Variants in PDSS2 observed in about 807,000 individuals in gnomAD.
The protein encoded by PDSS2 is decaprenyl diphosphate synthase subunit 2, also known as all trans-polyprenyl-diphosphate synthase PDSS2.
A neutral mutation model predicts 44.5 loss-of-function variants in PDSS2; 31 were observed. The observed-to-expected ratio is 0.70, with a 90% CI of 0.52 to 0.94. PDSS2 has a LOEUF of 0.94. PDSS2 is among the 40% of genes least tolerant of loss of function. PDSS2 has a pLI of 0.00. For synonymous variants in PDSS2, 157 were observed against 180.3 expected (o/e 0.87, Z 1.03); for missense variants, 452 against 482.2 (o/e 0.94, Z 0.59).
At chr6:107,180,591 T>C (rs1396458678) in intron 7 of PDSS2, among the ~76,000 whole-genome samples, 3 of 152,176 alleles carry the variant, frequency 2.0e-5, no homozygotes, top group Non-Finnish European at 4.4e-5. Flanking sequence ...CCAGGTGCTG[T>C]AGTAGGCTTT....
At chr6:107,184,677 T>C (rs1382272441) in intron 7 of PDSS2, among the ~76,000 whole-genome samples, 1 of 152,164 alleles carries the variant, frequency 6.6e-6, no homozygotes, top group African/African-American at 2.4e-5. Flanking sequence ...TAAATGCTGA[T>C]GTCTGAGAGG....
chr6:107,362,682 T>A (rs1778817423), intron 1 of PDSS2, among the ~76,000 whole-genome samples: 1 of 152,180 alleles, frequency 6.6e-6, no homozygotes, highest in Non-Finnish European at 1.5e-5. Flanking sequence ...ACAAAAGCAG[T>A]CATTAGAAAC....
chr6:107,173,572 C>CAAAAAAAAAAA (rs71012783), intron 7 of PDSS2, among the ~76,000 whole-genome samples: 2 of 41,512 alleles, frequency 4.8e-5, no homozygotes, highest in African/African-American at 1.3e-4. Context: ...GACTCTGTCT[C>CAAAAAAAAAAA]AAAAAAAAAA....
At chr6:107,214,601 T>C (rs1323082766) in intron 4 of PDSS2, among the ~76,000 whole-genome samples, 1 of 152,174 alleles carries the variant, frequency 6.6e-6, no homozygotes, top group East Asian at 1.9e-4. Flanking sequence ...ATTAACTCAA[T>C]ACACTTTTCT....
chr6:107,222,978 T>A (rs1387524454), intron 4 of PDSS2, among the ~76,000 whole-genome samples: 1 of 149,432 alleles, frequency 6.7e-6, no homozygotes, highest in African/African-American at 2.5e-5. Flanking sequence ...AGATGGAGTA[T>A]CACCCTGTCA....
intron 3 of PDSS2, among the ~76,000 whole-genome samples, chr6:107,254,928 A>G (rs1180449616): frequency 1.4e-4 from 21 of 150,356 alleles, no homozygotes. Flanking sequence ...TAGTGGTGTG[A>G]TCTCGGCTCA....
intron 1 of PDSS2, among the ~76,000 whole-genome samples, chr6:107,382,726 G>A (rs1401755352): frequency 6.6e-6 from 1 of 151,954 alleles, no homozygotes; most frequent in Admixed American, 6.6e-5. Flanking sequence ...AGTCCCTACT[G>A]CTTGGGAGGC....
At chr6:107,304,753 GA>G (rs1200070131) in intron 2 of PDSS2, among the ~76,000 whole-genome samples, 1 of 152,130 alleles carries the variant, frequency 6.6e-6, no homozygotes, top group African/African-American at 2.4e-5. Context: ...TAAATCTTTA[GA>G]GAAAAGTTGA....
chr6:107,414,264 C>G (rs77550342), intron 1 of PDSS2, among the ~76,000 whole-genome samples: 2 of 152,200 alleles, frequency 1.3e-5, no homozygotes, highest in African/African-American at 2.4e-5. Context: ...CAGAGTATAA[C>G]TGTACAGTAA....
intron 2 of PDSS2, among the ~76,000 whole-genome samples, chr6:107,312,983 C>T (rs562479247): frequency 1.3e-5 from 2 of 152,254 alleles, no homozygotes; most frequent in East Asian, 3.9e-4. Context: ...TATGGGTAGG[C>T]GAGTAGCAGA....
chr6:107,197,553 C>A (rs1772610749), intron 6 of PDSS2, among the ~76,000 whole-genome samples: 1 of 150,384 alleles, frequency 6.6e-6, no homozygotes, highest in Admixed American at 6.6e-5. Context: ...TGTCAGCTTG[C>A]TGAAGTGATT....
intron 1 of PDSS2, among the ~76,000 whole-genome samples, chr6:107,374,255 A>C (rs917861100): frequency 6.7e-6 from 1 of 148,680 alleles, no homozygotes; most frequent in Non-Finnish European, 1.5e-5. Flanking sequence ...CTCCATCACA[A>C]AAAAAAAAAA....
At chr6:107,363,568 G>A (rs1361292193) in intron 1 of PDSS2, among the ~76,000 whole-genome samples, 1 of 152,180 alleles carries the variant, frequency 6.6e-6, no homozygotes, top group African/African-American at 2.4e-5. Context: ...GAGTGTTACA[G>A]CTCATAAAAG....
At chr6:107,380,213 C>G (rs1431335138) in intron 1 of PDSS2, among the ~76,000 whole-genome samples, 6 of 152,164 alleles carry the variant, frequency 3.9e-5, no homozygotes, top group Non-Finnish European at 2.9e-5. Flanking sequence ...CTGTGTCTTA[C>G]AGCTCTCTCA....
chr6:107,210,793 C>A (rs1168801338), intron 5 of PDSS2, among the ~76,000 whole-genome samples: 2 of 151,944 alleles, frequency 1.3e-5, no homozygotes, highest in Admixed American at 6.6e-5. Flanking sequence ...CACCTGAGGT[C>A]AGGAGTTTGA....
intron 3 of PDSS2, among the ~76,000 whole-genome samples, chr6:107,250,836 A>G (rs78931710): frequency 6.6e-6 from 1 of 152,106 alleles, no homozygotes; most frequent in Non-Finnish European, 1.5e-5. Flanking sequence ...AGGAGTGCCT[A>G]TCCTAAATTA....
chr6:107,264,552 T>A, intron 3 of PDSS2: 1 of 1,204,360 alleles, frequency 8.3e-7, no homozygotes, highest in Non-Finnish European at 1.2e-6. Flanking sequence ...TTCCATTCTT[T>A]AAATACTAGG....
At position 107,335,868 on chromosome 6, in the gene PDSS2, TTGAC is replaced by T. The variant is rs1777870219; in HGVS notation, c.297-1540_297-1537del. Among the ~76,000 whole-genome samples the T allele has an allele frequency of 2.0e-5, 3 of 152,178 alleles. No individual in the cohort carries two copies. In the South Asian group the frequency reaches 6.2e-4, roughly 32 times the overall value. ...AAAACAAAAATTAGTGTTATAATAC[TTGAC>T]TGAATTATCAAGGCTTCCTTGTTGA... is the stretch of plus-strand genomic sequence containing the variant. On this transcript the variant is annotated intron_variant, in intron 1 of 7. Coordinates refer to ENST00000369037, the MANE Select transcript of PDSS2 (RefSeq NM_020381.4).
chr6:107,162,269 G>A (rs1240140658), intron 7 of PDSS2, among the ~76,000 whole-genome samples: 1 of 152,098 alleles, frequency 6.6e-6, no homozygotes, highest in Non-Finnish European at 1.5e-5. Context: ...GGCCATGGGG[G>A]ATGGATCACT....
Sources: gnomAD v4.1 joint callset for allele counts (sites outside exome capture counted in the v4.1 genomes callset) on GRCh38, gnomAD v4.1.1 for gene constraint, MANE v1.5 for transcripts, NCBI Gene and HGNC (gene_info 2026-07-23, HGNC 2026-07-21) for gene names.